The following NUP58 variants were observed in gnomAD, a reference collection of about 807,000 sequenced individuals.
NUP58 encodes the protein nucleoporin 58.
A neutral mutation model predicts 70.1 loss-of-function variants in NUP58; 17 were observed. The ratio of observed to expected loss-of-function variants is 0.24; its 90% CI spans 0.17 to 0.36. The LOEUF is 0.36. Among genes scored for constraint, NUP58 ranks in the 10% least tolerant of loss-of-function variants. The probability of loss-of-function intolerance (pLI) is 1.00; values close to 1 mark genes in which losing one functional copy is unlikely to be tolerated. For missense variants in NUP58, 644 were observed against 701.5 expected, an observed-to-expected ratio of 0.92 and a Z score of 0.93; for synonymous variants, 275 against 257.6, an observed-to-expected ratio of 1.07 and a Z score of -0.65.
chr13:25,314,682 C>T lies in NUP58; in HGVS notation c.575-675C>T, dbSNP rs148980158. On this transcript the variant is annotated intron_variant, in intron 5 of 15. Transcript: ENST00000381736. ...TGCACTCCAGCCTGGGCAACAAGAGCGAAACTCCATCTCAAAAACAATAAT... is the reference window on the plus strand; with the variant it reads ...TGCACTCCAGCCTGGGCAACAAGAGTGAAACTCCATCTCAAAAACAATAAT... Among the ~76,000 whole-genome samples, 1,140 of 152,006 alleles carry T rather than the reference C, an allele frequency of 7.5e-3. 16 individuals carry two copies. The highest frequency in any genetic ancestry group is 0.025 in the African/African-American group (1,056 of 41,464).
At chr13:25,304,770 TC>T (rs2030233991) in intron 1 of NUP58, among the ~76,000 whole-genome samples, 1 of 151,750 alleles carries the variant, frequency 6.6e-6, no homozygotes, top group South Asian at 2.1e-4. Flanking sequence ...CTTCAGGTGA[TC>T]CATCCACCTT....
chr13:25,305,130 G>GTTTTTTTTTTTTTTTTTTT (rs562132125), intron 1 of NUP58, among the ~76,000 whole-genome samples: 11 of 58,568 alleles, frequency 1.9e-4, no homozygotes, highest in African/African-American at 5.1e-4. Context: ...GATCTGTGGG[G>GTTTTTTTTTTTTTTTTTTT]TTTTTTTTTT....
intron 12 of NUP58, among the ~76,000 whole-genome samples, chr13:25,327,817 T>G (rs1358173084): frequency 6.6e-6 from 1 of 152,178 alleles, no homozygotes; most frequent in Non-Finnish European, 1.5e-5. Context: ...CATAGGAGTT[T>G]GTTGTATGGT....
At chr13:25,317,619 A>G (rs1469988102) in intron 6 of NUP58, 1 of 152,212 alleles carries the variant, frequency 6.6e-6, no homozygotes, top group Non-Finnish European at 1.5e-5. Flanking sequence ...AGTCAATTTA[A>G]AAGTTGGTGA....
intron 2 of NUP58, 31 bp downstream of exon 2, chr13:25,307,979 G>A: frequency 5.0e-6 from 8 of 1,610,314 alleles, no homozygotes; most frequent in Non-Finnish European, 5.9e-6. Context: ...TTGTCAGAGA[G>A]TAGGCTTGGG....
intron 8 of NUP58, 81 bp from the exon 9 acceptor site, chr13:25,320,838 G>C: frequency 1.1e-6 from 1 of 919,588 alleles, no homozygotes; most frequent in East Asian, 2.8e-5. Flanking sequence ...AAAACACTTG[G>C]ACTGTTTTAA....
chr13:25,337,094 C>G (rs539813362), intron 14 of NUP58, 60 bp downstream of exon 14: 3 of 1,141,504 alleles, frequency 2.6e-6, no homozygotes, highest in Non-Finnish European at 3.6e-6. Context: ...TGATACTAGC[C>G]TGTAAAAAAA....
chr13:25,335,074 T>C, intron 13 of NUP58: 2 of 985,076 alleles, frequency 2.0e-6, no homozygotes, highest in African/African-American at 1.7e-5. Context: ...ATGGGAGATA[T>C]TTATCATGAG....
chr13:25,308,450 G>A (rs1202933241), intron 2 of NUP58, among the ~76,000 whole-genome samples: 2 of 149,298 alleles, frequency 1.3e-5, no homozygotes, highest in East Asian at 3.9e-4. Context: ...CCACACGTGT[G>A]CACCACCACG....
chr13:25,322,227 C>T lies in NUP58; in HGVS notation c.951+1134C>T, dbSNP rs185032113. ...ATCAGAGGGCTGTGATCTTCACAAA[C>T]GAAGTGGTAGTATTTTAAGTAAAAT... On this transcript the variant is annotated intron_variant, in intron 9 of 15. Coordinates refer to ENST00000381736, the MANE Select transcript of NUP58 (RefSeq NM_014089.4). 3.8e-3 allele frequency among the ~76,000 whole-genome samples: 582 copies of T among 152,286 alleles called. 8 individuals carry two copies. Among genetic ancestry groups the T allele is most frequent in the African/African-American group, 0.013 (555 of 41,556 alleles).
At chr13:25,306,376 A>G (rs939981598) in intron 1 of NUP58, among the ~76,000 whole-genome samples, 2 of 148,312 alleles carry the variant, frequency 1.3e-5, no homozygotes, top group Non-Finnish European at 3.0e-5. Context: ...CCTGGGCAAC[A>G]GAGTGAGACT....
At chr13:25,310,840 C>T (rs996533307) in intron 3 of NUP58, among the ~76,000 whole-genome samples, 1 of 152,130 alleles carries the variant, frequency 6.6e-6, no homozygotes. Context: ...ATTGTTTGAG[C>T]AGTTACTACT....
At chr13:25,314,359 AC>A (rs2030827419) in intron 5 of NUP58, among the ~76,000 whole-genome samples, 1 of 152,158 alleles carries the variant, frequency 6.6e-6, no homozygotes. Context: ...TCTAAAAAGA[AC>A]AAAAATTGTA....
intron 2 of NUP58, among the ~76,000 whole-genome samples, chr13:25,308,322 A>G (rs1278248396): frequency 6.6e-6 from 1 of 152,104 alleles, no homozygotes; most frequent in Non-Finnish European, 1.5e-5. Context: ...TTTTTTAGAT[A>G]CACAGTCTTG....
chr13:25,327,075 T>G (rs1383628178), intron 11 of NUP58, 41 bp downstream of exon 11: 1 of 1,160,912 alleles, frequency 8.6e-7, no homozygotes, highest in Non-Finnish European at 1.3e-6. Context: ...AACTTTTGTT[T>G]GTAGGAGATA....
At chr13:25,319,197 T>C (rs1240778526) in intron 6 of NUP58, 129 bp from the exon 7 acceptor site, 1 of 864,704 alleles carries the variant, frequency 1.2e-6, no homozygotes, top group South Asian at 1.4e-5. Context: ...ACATGATGTT[T>C]ATGAGGCAAG....
intron 13 of NUP58, chr13:25,333,685 C>T (rs2031686729): frequency 2.0e-6 from 2 of 985,328 alleles, no homozygotes; most frequent in Non-Finnish European, 2.4e-6. Flanking sequence ...TTTCTGAGCT[C>T]TGTTAGATAC....
intron 9 of NUP58, among the ~76,000 whole-genome samples, chr13:25,322,821 C>G (rs1252590359): frequency 2.0e-5 from 3 of 152,144 alleles, no homozygotes; most frequent in African/African-American, 7.2e-5. Flanking sequence ...TAATCATCAC[C>G]TATGTCCTTT....
intron 1 of NUP58, among the ~76,000 whole-genome samples, chr13:25,305,919 T>C (rs1330949549): frequency 5.3e-5 from 8 of 152,090 alleles, no homozygotes; most frequent in Admixed American, 3.9e-4. Flanking sequence ...GTACAGTTAT[T>C]TGTGTTGTTT....
Sources: gnomAD v4.1 joint callset for allele counts (sites outside exome capture counted in the v4.1 genomes callset) on GRCh38, gnomAD v4.1.1 for gene constraint, MANE v1.5 for transcripts, NCBI Gene and HGNC (gene_info 2026-07-23, HGNC 2026-07-21) for gene names.